The following FRMD4A variants were observed in gnomAD, a reference collection of about 807,000 sequenced individuals.
FRMD4A encodes FERM domain containing 4A, also known as FERM domain-containing protein 4A.
A neutral mutation model predicts 129.1 loss-of-function variants in FRMD4A; 29 were observed. The observed-to-expected ratio is 0.22, with a 90% CI of 0.17 to 0.31. FRMD4A has a LOEUF of 0.31. FRMD4A is among the 10% of genes least tolerant of loss of function. FRMD4A has a pLI of 1.00. For missense variants in FRMD4A, 1,272 were observed against 1,375.8 expected, an observed-to-expected ratio of 0.92 and a Z score of 1.19; for synonymous variants, 634 against 571.6, an observed-to-expected ratio of 1.11 and a Z score of -1.56.
chr10:13,992,815 T>C (rs1339732912), intron 2 of FRMD4A, among the ~76,000 whole-genome samples: 2 of 151,964 alleles, frequency 1.3e-5, no homozygotes, highest in African/African-American at 4.8e-5. Context: ...TAGCCAGGCA[T>C]GGTGGCGCAT....
chr10:13,957,608 G>T (rs542664074), intron 2 of FRMD4A, among the ~76,000 whole-genome samples: 1 of 152,280 alleles, frequency 6.6e-6, no homozygotes, highest in Admixed American at 6.5e-5. Flanking sequence ...AGAGAAAAAG[G>T]AGGAAGAGTA....
chr10:13,842,403 T>C (rs969757265), intron 3 of FRMD4A, among the ~76,000 whole-genome samples: 17 of 152,362 alleles, frequency 1.1e-4, no homozygotes, highest in Middle Eastern at 3.4e-3. Flanking sequence ...GCCAGCCTTC[T>C]GATGGTCCCA....
chr10:14,074,237 G>A (rs376254725), intron 2 of FRMD4A: 14 of 152,426 alleles, frequency 9.2e-5, no homozygotes, highest in African/African-American at 3.4e-4. Context: ...GGCAAATAAT[G>A]AAGCAGTGGA....
rs1841921439 is a variant in FRMD4A, at chr10:14,181,732, C to T, written c.45+148326G>A. Among the ~76,000 whole-genome samples, 3 of 152,134 alleles carry T rather than the reference C, an allele frequency of 2.0e-5. No individual in the cohort carries two copies. The South Asian group carries it at 6.2e-4, about 32-fold the overall frequency. On this transcript the variant is annotated intron_variant, in intron 2 of 24. Transcript: ENST00000357447. The stretch of plus-strand genomic sequence containing the variant: ...TTGAGATAGGGTCTCACTCTGTTGT[C>T]CAGGCTGGAGTGCAGGGGCACAATC...
chr10:14,183,526 C>A lies in FRMD4A; in HGVS notation c.45+146532G>T, dbSNP rs80283205. On this transcript the variant is annotated intron_variant, in intron 2 of 24. Transcript: ENST00000357447. ...TCTTCATAGCTCTAAGGAGTTGTTT[C>A]TTTTTTTTTTTTCAAATCACTCCTG... Among the ~76,000 whole-genome samples the A allele has an allele frequency of 1.5e-4, 22 of 143,440 alleles. No homozygotes were observed. The South Asian group carries it at 5.1e-3, about 33-fold the overall frequency. The allele number at this position is 143,440 out of a possible 152,430, so 94.1% of individuals were successfully genotyped here.
At chr10:13,918,729 A>T (rs912761352) in intron 2 of FRMD4A, among the ~76,000 whole-genome samples, 4 of 151,964 alleles carry the variant, frequency 2.6e-5, no homozygotes, top group African/African-American at 9.7e-5. Context: ...GGGTTTTGCC[A>T]TGTTGGTCAG....
At chr10:14,219,306 G>T (rs2131968644) in intron 2 of FRMD4A, among the ~76,000 whole-genome samples, 1 of 152,244 alleles carries the variant, frequency 6.6e-6, no homozygotes. Context: ...CACCCATTCT[G>T]TCCCCTCTGC....
intron 2 of FRMD4A, among the ~76,000 whole-genome samples, chr10:14,050,414 A>T (rs1190625924): frequency 6.6e-6 from 1 of 152,222 alleles, no homozygotes; most frequent in Non-Finnish European, 1.5e-5. Context: ...AATAGAGATG[A>T]TGAAAGACCT....
At chr10:14,235,088 T>A (rs1252197519) in intron 2 of FRMD4A, among the ~76,000 whole-genome samples, 2 of 152,068 alleles carry the variant, frequency 1.3e-5, no homozygotes, top group Non-Finnish European at 2.9e-5. Flanking sequence ...TTGTTTGGGC[T>A]GGCACAGTGG....
intron 2 of FRMD4A, among the ~76,000 whole-genome samples, chr10:13,904,783 A>G (rs1441999856): frequency 6.6e-6 from 1 of 152,180 alleles, no homozygotes; most frequent in East Asian, 1.9e-4. Flanking sequence ...ACCTGAGGTC[A>G]GGAGTTTGAG....
chr10:14,127,250 G>A (rs1422765166), intron 2 of FRMD4A, among the ~76,000 whole-genome samples: 2 of 152,142 alleles, frequency 1.3e-5, no homozygotes, highest in Admixed American at 6.5e-5. Flanking sequence ...GGCCTGGAGA[G>A]GTTGGAAAAC....
At chr10:14,012,106 C>T (rs778701939) in intron 2 of FRMD4A, among the ~76,000 whole-genome samples, 5 of 151,326 alleles carry the variant, frequency 3.3e-5, no homozygotes, top group African/African-American at 7.3e-5. Flanking sequence ...GTGGATGACA[C>T]GGTACCCTCA....
chr10:14,225,290 T>C (rs1238549061), intron 2 of FRMD4A, among the ~76,000 whole-genome samples: 3 of 152,084 alleles, frequency 2.0e-5, no homozygotes, highest in Non-Finnish European at 2.9e-5. Context: ...CCCAACCCCG[T>C]AGCCAAGAAT....
intron 6 of FRMD4A, among the ~76,000 whole-genome samples, chr10:13,779,188 G>A (rs1171214244): frequency 6.6e-6 from 1 of 151,990 alleles, no homozygotes; most frequent in Non-Finnish European, 1.5e-5. Context: ...GTGATGGCTG[G>A]TGCCTATAAT....
rs749376126 is a variant in FRMD4A, at chr10:13,657,322, G to A, written c.2267C>T (p.Ser756Leu). The change falls in exon 22 of 25, where the codon TCG (serine) becomes TTG (leucine). Residue 756 changes from serine to leucine, a missense_variant. Physicochemically the swap from Ser to Leu is moderately radical, Grantham distance 145. Coordinates refer to ENST00000357447, the MANE Select transcript of FRMD4A (RefSeq NM_018027.5). ...DCSSCTSHSS[S>L]EHYYPAQMNA... ...CATCTGCGCCGGGTAGTAGTGCTCC[G>A]AGCTCGAGTGGCTGGTGCACGACGA... 22 of 1,611,782 alleles carry A rather than the reference G, an allele frequency of 1.4e-5. No homozygotes were observed. Among genetic ancestry groups the A allele is most frequent in the Admixed American group, 8.3e-5 (5 of 59,950 alleles).
rs146707670 is a variant in FRMD4A at position 14,126,255 on chromosome 10, C to T, written c.45+203803G>A. ...GTGCGATCTTGGCTCAGTGCAACCT[C>T]TGCCTCAAGGGTTCAAGCAATTCTC... On this transcript the variant is annotated intron_variant, in intron 2 of 24. Coordinates refer to ENST00000357447, the MANE Select transcript of FRMD4A (RefSeq NM_018027.5). 8.9e-3 allele frequency among the ~76,000 whole-genome samples: 1,332 copies of T among 148,926 alleles called. 11 individuals carry two copies. The highest frequency in any genetic ancestry group is 0.016 in the Non-Finnish European group (1,064 of 67,662).
intron 2 of FRMD4A, among the ~76,000 whole-genome samples, chr10:14,182,129 TA>T (rs1322811957): frequency 6.6e-6 from 1 of 152,252 alleles, no homozygotes; most frequent in Non-Finnish European, 1.5e-5. Flanking sequence ...AACTGCCGTA[TA>T]ATTGTTTATC....
rs183915352 is a variant in FRMD4A, at chr10:14,105,496, T to C, written c.45+224562A>G. On this transcript the variant is annotated intron_variant, in intron 2 of 24. Coordinates refer to ENST00000357447, the MANE Select transcript of FRMD4A (RefSeq NM_018027.5). ...ATGGAGTTACTATAAATAATTTTAA[T>C]GGACTATTATATAAATTAATACATT... is the stretch of plus-strand genomic sequence containing the variant. Among the ~76,000 whole-genome samples the C allele has an allele frequency of 2.9e-3, 444 of 152,352 alleles. 1 individual carries two copies. The highest frequency in any genetic ancestry group is 0.01 in the Middle Eastern group (3 of 294).
chr10:13,717,525 G>C (rs2088925861), intron 12 of FRMD4A, among the ~76,000 whole-genome samples: 1 of 151,886 alleles, frequency 6.6e-6, no homozygotes, highest in Admixed American at 6.6e-5. Context: ...TGTTGACCAG[G>C]CTGGTCTCGA....
Sources: gnomAD v4.1 joint callset for allele counts (sites outside exome capture counted in the v4.1 genomes callset) on GRCh38, gnomAD v4.1.1 for gene constraint, MANE v1.5 for transcripts, NCBI Gene and HGNC (gene_info 2026-07-23, HGNC 2026-07-21) for gene names.